The following BMPR1B variants were observed in gnomAD, a reference collection of about 807,000 sequenced individuals.
BMPR1B encodes bone morphogenetic protein receptor type 1B, also known as bone morphogenetic protein receptor type-1B.
In BMPR1B, 12 loss-of-function variants were observed where a neutral mutation model predicts 59.1. The observed-to-expected ratio is 0.20, with a 90% CI of 0.13 to 0.33. The LOEUF (loss-of-function observed/expected upper bound fraction) is 0.33. BMPR1B is among the 10% of genes least tolerant of loss of function. The pLI, the probability that BMPR1B is intolerant of heterozygous loss-of-function variation, is 1.00. For missense variants in BMPR1B, 550 were observed against 610.9 expected (o/e 0.90, Z 1.05); for synonymous variants, 237 against 207.3 (o/e 1.14, Z -1.23).
At chr4:95,002,819 G>A (rs983330514) in intron 3 of BMPR1B, among the ~76,000 whole-genome samples, 1 of 152,078 alleles carries the variant, frequency 6.6e-6, no homozygotes, top group Non-Finnish European at 1.5e-5. Flanking sequence ...GCAAAGAAAT[G>A]TATAATTTTT....
intron 1 of BMPR1B, among the ~76,000 whole-genome samples, chr4:94,761,054 G>A (rs995986612): frequency 3.3e-5 from 5 of 152,160 alleles, no homozygotes; most frequent in African/African-American, 1.2e-4. Context: ...ATGGAATTGA[G>A]ACTTTACTTT....
intron 8 of BMPR1B, among the ~76,000 whole-genome samples, chr4:95,126,816 A>G (rs1396601550): frequency 1.3e-5 from 2 of 152,144 alleles, no homozygotes; most frequent in Non-Finnish European, 2.9e-5. Flanking sequence ...TTCTCTCTCC[A>G]TATATTGATA....
At chr4:94,866,444 C>T (rs541571076) in intron 1 of BMPR1B, among the ~76,000 whole-genome samples, 2 of 152,136 alleles carry the variant, frequency 1.3e-5, no homozygotes, top group South Asian at 2.1e-4. Flanking sequence ...TTTTTCATCC[C>T]TGCTAAACTC....
chr4:95,150,586 AAAAC>A (rs1369291074), intron 11 of BMPR1B, among the ~76,000 whole-genome samples: 1 of 152,214 alleles, frequency 6.6e-6, no homozygotes, highest in Non-Finnish European at 1.5e-5. Context: ...TTGAACATCT[AAAAC>A]AAACAGGGCT....
intron 1 of BMPR1B, among the ~76,000 whole-genome samples, chr4:94,803,314 A>G (rs187156226): frequency 6.1e-4 from 93 of 152,232 alleles, no homozygotes; most frequent in African/African-American, 2.2e-3. Context: ...TCTACCCTGC[A>G]CAGTAATCTG....
rs755871790 is a variant in BMPR1B at position 95,157,321 on chromosome 4, A to C, written c.*2648A>C. ...TAGATTTTTCTCTGTATCTTACCAA[A>C]ATCCACTTTACTTAGATAACACTAA... is the stretch of plus-strand genomic sequence containing the variant. On this transcript the variant is annotated 3_prime_UTR_variant, in exon 13 of 13. Coordinates refer to ENST00000515059, the MANE Select transcript of BMPR1B (RefSeq NM_001203.3). The C allele has an allele frequency of 1.3e-5, 2 of 152,092 alleles. No individual in the cohort carries two copies. The highest frequency in any genetic ancestry group is 6.6e-5 in the Admixed American group (1 of 15,264). The allele number at this position is 152,092 out of a possible 1,614,324, so 9.4% of individuals were successfully genotyped here.
chr4:94,937,829 T>G (rs1257012089), intron 2 of BMPR1B, among the ~76,000 whole-genome samples: 1 of 152,000 alleles, frequency 6.6e-6, no homozygotes, highest in Non-Finnish European at 1.5e-5. Flanking sequence ...GGTAAGAGCT[T>G]AGTTGGGATA....
Position 95,139,740 on chromosome 4 carries a change from C to T in BMPR1B, c.1076+8228C>T, listed in dbSNP as rs529822955. 4.5e-4 allele frequency among the ~76,000 whole-genome samples: 69 copies of T among 152,160 alleles called. 3 individuals carry two copies. In the South Asian group the frequency reaches 0.013, roughly 28 times the overall value. ...GGCGTGGGACCCTCGGAGCCATGCG[C>T]GGGATATAATCTCCTGGTGTGCCGT... On this transcript the variant is annotated intron_variant, in intron 10 of 12. Transcript: ENST00000515059.
chr4:94,954,710 T>C (rs934245959), intron 2 of BMPR1B, among the ~76,000 whole-genome samples: 22 of 152,184 alleles, frequency 1.4e-4, no homozygotes, highest in Non-Finnish European at 2.5e-4. Context: ...GTCTCCCTTT[T>C]AGTTTTCTTT....
rs75447092 is a variant in BMPR1B, at chr4:94,882,658, G to C, written c.-113+6758G>C. On this transcript the variant is annotated intron_variant, in intron 2 of 12. Coordinates refer to ENST00000515059, the MANE Select transcript of BMPR1B (RefSeq NM_001203.3). ...ATCCAGCTAGAATTGGTAGGGTGGA[G>C]ATTTGAATTTAGGTCAGTCTGACTT... 4.6e-3 allele frequency among the ~76,000 whole-genome samples: 697 copies of C among 152,322 alleles called. 11 individuals are homozygous for C. The highest frequency in any genetic ancestry group is 0.044 in the South Asian group (210 of 4,822).
At chr4:95,039,795 T>C (rs1725523677) in intron 3 of BMPR1B, among the ~76,000 whole-genome samples, 1 of 152,124 alleles carries the variant, frequency 6.6e-6, no homozygotes, top group Non-Finnish European at 1.5e-5. Context: ...CAGTGTAGTG[T>C]GTAGTGTAGT....
intron 1 of BMPR1B, among the ~76,000 whole-genome samples, chr4:94,790,991 T>G (rs187602868): frequency 6.6e-6 from 1 of 152,186 alleles, no homozygotes; most frequent in Admixed American, 6.5e-5. Flanking sequence ...GGTCTTTTTG[T>G]TTGTTTGTTT....
At chr4:95,143,450 TC>T (rs1168358663) in intron 10 of BMPR1B, among the ~76,000 whole-genome samples, 20 of 151,850 alleles carry the variant, frequency 1.3e-4, no homozygotes, top group African/African-American at 2.4e-5. Context: ...TTTTCTTGTC[TC>T]TCTCTCTCTC....
chr4:95,087,817 A>G (rs953142009), intron 3 of BMPR1B, among the ~76,000 whole-genome samples: 1 of 152,162 alleles, frequency 6.6e-6, no homozygotes. Flanking sequence ...AAACTGACCT[A>G]ATTGAACTTC....
chr4:95,143,094 G>A (rs1037473257), intron 10 of BMPR1B, among the ~76,000 whole-genome samples: 2 of 152,044 alleles, frequency 1.3e-5, no homozygotes, highest in African/African-American at 2.4e-5. Flanking sequence ...CCAGCTGAAG[G>A]CTCCACTTTC....
At chr4:94,887,282 C>T (rs1227964090) in intron 2 of BMPR1B, among the ~76,000 whole-genome samples, 1 of 148,304 alleles carries the variant, frequency 6.7e-6, no homozygotes, top group Non-Finnish European at 1.5e-5. Flanking sequence ...GTAAAATATC[C>T]TCACATCACA....
At chr4:94,935,961 A>C (rs1488567594) in intron 2 of BMPR1B, among the ~76,000 whole-genome samples, 3 of 140,998 alleles carry the variant, frequency 2.1e-5, no homozygotes, top group African/African-American at 7.9e-5. Context: ...ACTATAATGT[A>C]AGCCTTGGAT....
At chr4:95,122,910 G>T (rs991259171) in intron 6 of BMPR1B, among the ~76,000 whole-genome samples, 2 of 152,044 alleles carry the variant, frequency 1.3e-5, no homozygotes, top group Non-Finnish European at 2.9e-5. Flanking sequence ...AAGGTAAATG[G>T]TGCCTTTAAT....
At chr4:94,970,286 CTTCTCTTCTCTTCTCT>C (rs1730728026) in intron 2 of BMPR1B, among the ~76,000 whole-genome samples, 1 of 115,658 alleles carries the variant, frequency 8.6e-6, no homozygotes, top group African/African-American at 3.1e-5. Flanking sequence ...CTTCTCTTCT[CTTCTCTTCTCTTCTCT>C]TCTTTCTCTC....
Sources: gnomAD v4.1 joint callset for allele counts (sites outside exome capture counted in the v4.1 genomes callset) on GRCh38, gnomAD v4.1.1 for gene constraint, MANE v1.5 for transcripts, NCBI Gene and HGNC (gene_info 2026-07-23, HGNC 2026-07-21) for gene names.